BRAF: variants seen among roughly 807,000 people sequenced by gnomAD.
The protein encoded by BRAF is B-Raf proto-oncogene, serine/threonine kinase, also known as serine/threonine-protein kinase B-raf.
Under a neutral mutation model 104.6 loss-of-function variants are expected in BRAF, and 16 were observed. The ratio of observed to expected loss-of-function variants is 0.15; its 90% CI spans 0.10 to 0.23. The LOEUF is 0.23. BRAF is among the 10% of genes least tolerant of loss of function. The pLI is 1.00. For missense variants in BRAF, 541 were observed against 937.3 expected (o/e 0.58, Z 5.52); for synonymous variants, 310 against 341.6 (o/e 0.91, Z 1.02).
chr7:140,715,883 G>A (rs1795119933), downstream of BRAF, among the ~76,000 whole-genome samples: 1 of 152,184 alleles, frequency 6.6e-6, no homozygotes, highest in South Asian at 2.1e-4. Context: ...CACTTTATAG[G>A]TGAAGAAGTT....
chr7:140,888,063 G>A (rs1001868114), intron 1 of BRAF, among the ~76,000 whole-genome samples: 4 of 152,140 alleles, frequency 2.6e-5, no homozygotes, highest in East Asian at 1.9e-4. Context: ...TAATAGAGAC[G>A]GGGTTTCACT....
At position 140,819,245 on chromosome 7, in the gene BRAF, C is replaced by T. The variant is rs1288389512; in HGVS notation, c.505-10250G>A. Reference sequence around the variant, plus strand: ...TATATAAAAGCAAATCCTTTCTCCACAAAGATATATAAAAGCCAACAATCA... The same window carrying T: ...TATATAAAAGCAAATCCTTTCTCCATAAAGATATATAAAAGCCAACAATCA... On this transcript the variant is annotated intron_variant, in intron 3 of 19. Transcript: ENST00000644969. Among the ~76,000 whole-genome samples the T allele has an allele frequency of 2.6e-5, 4 of 152,048 alleles. No homozygotes were observed. The South Asian group carries it at 8.3e-4, about 31-fold the overall frequency.
chr7:140,733,194 A>C (rs1156414411), intron 19 of BRAF: 5 of 152,250 alleles, frequency 3.3e-5, no homozygotes, highest in African/African-American at 4.8e-5. Context: ...ATTCAAATAA[A>C]GAAAATGTTT....
chr7:140,742,432 G>A (rs1797004359), intron 17 of BRAF, among the ~76,000 whole-genome samples: 1 of 151,998 alleles, frequency 6.6e-6, no homozygotes, highest in African/African-American at 2.4e-5. Context: ...GACCTCAAGT[G>A]ATCCACCCGC....
At chr7:140,896,305 C>A (rs1260436556) in intron 1 of BRAF, among the ~76,000 whole-genome samples, 1 of 151,990 alleles carries the variant, frequency 6.6e-6, no homozygotes, top group East Asian at 1.9e-4. Context: ...ATATGAATAT[C>A]CAGTAAAAAA....
At position 140,924,615 on chromosome 7, in the gene BRAF, C is replaced by T. The variant is rs1273585752; in HGVS notation, c.89G>A (p.Gly30Asp). ...NGDMEPEAGA[G>D]AGAAASSAAD... is the part of the protein sequence containing the mutation. ...AGCCGAAGAGGCCGCGGCGCCGGCG[C>T]CGGCGCCGGCCTCGGGCTCCATGTC... The change falls in exon 1 of 20, where the codon GGC becomes GAC. Residue 30 changes from glycine (G) to aspartate (D), a missense_variant. Around this residue, in one of 10 missense-constraint regions of BRAF, gnomAD observed 82 missense variants for 65.9 expected, o/e 1.24. Transcript: ENST00000644969. The surrounding 1 kb of genome is among the most constrained non-coding windows in gnomAD (Gnocchi z 4.2). The T allele has an allele frequency of 7.2e-6, 11 of 1,526,764 alleles. No homozygotes were observed. The highest frequency in any genetic ancestry group is 2.8e-5 in the African/African-American group (2 of 72,178). The allele number at this position is 1,526,764 out of a possible 1,614,324, so 94.6% of individuals were successfully genotyped here.
chr7:140,826,709 CG>C (rs978726602), intron 3 of BRAF, among the ~76,000 whole-genome samples: 5 of 152,140 alleles, frequency 3.3e-5, no homozygotes, highest in African/African-American at 1.2e-4. Context: ...CGTGGGTTTG[CG>C]GGGGAAGTTG....
chr7:140,721,010 TTTGA>T lies in BRAF; in HGVS notation c.*5480_*5483del. ...AAGCAGATGGTTTGTACAAACATTT[TTTGA>T]TACTACCATGAATAAACATATTTTA... On this transcript the variant is annotated 3_prime_UTR_variant, in exon 20 of 20. Coordinates refer to ENST00000644969, the MANE Select transcript of BRAF (RefSeq NM_001374258.1). 9.4e-7 allele frequency: 1 copy of T among 1,064,286 alleles called. No individual in the cohort carries two copies. The highest frequency in any genetic ancestry group is 1.1e-6 in the Non-Finnish European group (1 of 878,706). The allele number at this position is 1,064,286 out of a possible 1,614,324, so 65.9% of individuals were successfully genotyped here. A position where few individuals can be genotyped will look rare whatever the true frequency, so the allele number is the denominator to read the frequency against.
At chr7:140,888,863 G>A (rs1813889035) in intron 1 of BRAF, among the ~76,000 whole-genome samples, 1 of 151,976 alleles carries the variant, frequency 6.6e-6, no homozygotes, top group Non-Finnish European at 1.5e-5. Context: ...TAATCTAGTG[G>A]TCCTTAACCA....
At chr7:140,726,794 G>A (rs913301846) in intron 19 of BRAF, among the ~76,000 whole-genome samples, 4 of 152,188 alleles carry the variant, frequency 2.6e-5, no homozygotes, top group Non-Finnish European at 5.9e-5. Context: ...GCTGAAAACA[G>A]TTCCAATGAA....
chr7:140,856,909 G>C (rs1253283958), intron 1 of BRAF, among the ~76,000 whole-genome samples: 1 of 152,120 alleles, frequency 6.6e-6, no homozygotes, highest in East Asian at 1.9e-4. Context: ...TAAGGTGCAA[G>C]AAGAAAATAA....
chr7:140,907,546 C>A (rs1288944808), intron 1 of BRAF, among the ~76,000 whole-genome samples: 1 of 151,938 alleles, frequency 6.6e-6, no homozygotes, highest in African/African-American at 2.4e-5. Context: ...CAGGCATAAG[C>A]CACCGTGCCC....
intron 1 of BRAF, among the ~76,000 whole-genome samples, chr7:140,912,499 C>T (rs1056368617): frequency 2.6e-5 from 4 of 152,146 alleles, no homozygotes; most frequent in Admixed American, 6.5e-5. Flanking sequence ...CTTCTCTCTC[C>T]CTCCTGAAAC....
chr7:140,881,740 G>C (rs1812942065), intron 1 of BRAF, among the ~76,000 whole-genome samples: 1 of 152,146 alleles, frequency 6.6e-6, no homozygotes, highest in Non-Finnish European at 1.5e-5. Flanking sequence ...TGAATACTTA[G>C]AGGCCATTGT....
At chr7:140,763,867 T>C (rs1211756987) in intron 14 of BRAF, among the ~76,000 whole-genome samples, 1 of 152,132 alleles carries the variant, frequency 6.6e-6, no homozygotes, top group East Asian at 1.9e-4. Flanking sequence ...CTACCAGAGA[T>C]ACAAGGAGGA....
At chr7:140,794,055 TG>T (rs1802273594) in intron 8 of BRAF, among the ~76,000 whole-genome samples, 1 of 152,218 alleles carries the variant, frequency 6.6e-6, no homozygotes, top group Admixed American at 6.5e-5. Context: ...CATTTGAAGA[TG>T]ACTTTTATAG....
chr7:140,879,717 A>G (rs1467280223), intron 1 of BRAF, among the ~76,000 whole-genome samples: 1 of 146,794 alleles, frequency 6.8e-6, no homozygotes, highest in Non-Finnish European at 1.5e-5. Context: ...GGTTAGGGTG[A>G]CTGTGGCAAT....
chr7:140,752,265 C>A (rs1390679284), intron 16 of BRAF, among the ~76,000 whole-genome samples: 2 of 152,174 alleles, frequency 1.3e-5, no homozygotes, highest in Admixed American at 6.5e-5. Context: ...CTCCTGGGAT[C>A]AAGTGATCCT....
Position 140,764,146 on chromosome 7 carries a change from C to T in BRAF, c.1815-9913G>A, listed in dbSNP as rs1169942348. On this transcript the variant is annotated intron_variant, in intron 14 of 19. Coordinates refer to ENST00000644969, the MANE Select transcript of BRAF (RefSeq NM_001374258.1). ...TGGGATGCAAGGCTGGTTCAACATA[C>T]GCAAATCAATAAATGTAATCCAGCA... is the stretch of plus-strand genomic sequence containing the variant. 1.4e-4 allele frequency among the ~76,000 whole-genome samples: 22 copies of T among 152,088 alleles called. No homozygotes were observed. In the East Asian group the frequency reaches 1.7e-3, roughly 12 times the overall value.
Sources: gnomAD v4.1 joint callset for allele counts (sites outside exome capture counted in the v4.1 genomes callset) on GRCh38, gnomAD v4.1.1 for gene constraint, gnomAD v4.1.1 regional missense constraint, Gnocchi (gnomAD v3.1) non-coding constraint, MANE v1.5 for transcripts, NCBI Gene and HGNC (gene_info 2026-07-23, HGNC 2026-07-21) for gene names.